ZBTB20: variants seen among roughly 807,000 people sequenced by gnomAD.
ZBTB20 encodes the protein zinc finger and BTB domain-containing protein 20.
Under a neutral mutation model 56.9 loss-of-function variants are expected in ZBTB20, and 9 were observed. That is an observed-to-expected ratio of 0.16 (90% CI 0.10 to 0.28). The LOEUF (loss-of-function observed/expected upper bound fraction) is 0.28, where lower values mean the gene tolerates loss of function less well. Among genes scored for constraint, ZBTB20 ranks in the 10% least tolerant of loss-of-function variants. The pLI is 1.00. For synonymous variants in ZBTB20, 417 were observed against 420.7 expected (o/e 0.99, Z 0.11); for missense variants, 655 against 1,003.0 (o/e 0.65, Z 4.69).
At chr3:114,875,334 T>C (rs1316562868) in intron 4 of ZBTB20, among the ~76,000 whole-genome samples, 2 of 152,202 alleles carry the variant, frequency 1.3e-5, no homozygotes, top group African/African-American at 2.4e-5. Context: ...CAGTGCAGCA[T>C]ATTTTGCACC....
rs2079128692 is a variant in ZBTB20 at position 114,328,420 on chromosome 3, T to A, written c.*10585A>T. ...TCTGATAAACAAGTAATTTGACTAGTGGAAACAGTCAACATTAATGATTCT... is the reference window on the plus strand; with the variant it reads ...TCTGATAAACAAGTAATTTGACTAGAGGAAACAGTCAACATTAATGATTCT... On this transcript the variant is annotated 3_prime_UTR_variant, in exon 12 of 12. Coordinates refer to ENST00000675478, the MANE Select transcript of ZBTB20 (RefSeq NM_001348800.3). 1 of 152,084 alleles carries A rather than the reference T, an allele frequency of 6.6e-6. No individual in the cohort carries two copies. Among genetic ancestry groups the A allele is most frequent in the South Asian group, 2.1e-4 (1 of 4,822 alleles). 9.4% of individuals were successfully genotyped at this position (152,084 alleles called of 1,614,324 possible).
chr3:114,693,890 C>T (rs1487320553), intron 5 of ZBTB20, among the ~76,000 whole-genome samples: 1 of 151,998 alleles, frequency 6.6e-6, no homozygotes, highest in African/African-American at 2.4e-5. Flanking sequence ...GTTAATTATC[C>T]ATGGTCTGTT....
rs66520481 is a variant in ZBTB20 at position 114,477,929 on chromosome 3, G to GTC, written c.-255+22421_-255+22422dup. 1.7e-3 allele frequency among the ~76,000 whole-genome samples: 212 copies of GTC among 121,808 alleles called. 2 individuals carry two copies. The highest frequency in any genetic ancestry group is 4.0e-3 in the Admixed American group (43 of 10,686). 79.9% of individuals were successfully genotyped at this position (121,808 alleles called of 152,430 possible). A position where few individuals can be genotyped will look rare whatever the true frequency, so the allele number is the denominator to read the frequency against. Reference sequence around the variant, plus strand: ...TCTTTCCTTCTTTCTTTCTTTCTCTGTCTCTCTCTCTCTCTCTCTCCCTCC... The same window carrying GTC: ...TCTTTCCTTCTTTCTTTCTTTCTCTGTCTCTCTCTCTCTCTCTCTCTCCCTCC... On this transcript the variant is annotated intron_variant, in intron 7 of 11. Transcript: ENST00000675478.
At chr3:114,487,773 T>C (rs781638152) in intron 7 of ZBTB20, among the ~76,000 whole-genome samples, 2 of 152,216 alleles carry the variant, frequency 1.3e-5, no homozygotes, top group African/African-American at 2.4e-5. Flanking sequence ...TCACTTTCCC[T>C]GAAGTTGCTG....
intron 6 of ZBTB20, among the ~76,000 whole-genome samples, chr3:114,599,757 GA>G (rs1560017453): frequency 6.6e-6 from 1 of 151,830 alleles, no homozygotes; most frequent in Admixed American, 6.6e-5. Flanking sequence ...TAGAAATGTT[GA>G]AAAACTTGCC....
intron 5 of ZBTB20, among the ~76,000 whole-genome samples, chr3:114,783,151 A>G (rs1261691403): frequency 6.6e-6 from 1 of 152,212 alleles, no homozygotes; most frequent in Admixed American, 6.5e-5. Context: ...CAATTAAATT[A>G]ATAATTATAA....
intron 6 of ZBTB20, among the ~76,000 whole-genome samples, chr3:114,583,792 G>A (rs1312166104): frequency 6.6e-6 from 1 of 152,136 alleles, no homozygotes; most frequent in African/African-American, 2.4e-5. Context: ...AATAGCAAAT[G>A]TTCTATTAGA....
At position 114,351,161 on chromosome 3, in the gene ZBTB20, G is replaced by C. The variant is rs1268366856; in HGVS notation, c.917C>G (p.Pro306Arg). The C allele has an allele frequency of 1.9e-6, 3 of 1,603,368 alleles. No individual in the cohort carries two copies. The highest frequency in any genetic ancestry group is 2.5e-6 in the Non-Finnish European group (3 of 1,179,814). ...CTGCTTGCGGCAGTGCGTGGTCTCG[G>C]GGGTGGTGGACAGGTAGCGCTCCAT... ...QQMERYLSTTPETTHCRKQPR... is the reference protein window; with the variant it reads ...QQMERYLSTTRETTHCRKQPR... The change falls in exon 11 of 12, where the codon CCC becomes CGC. Residue 306 changes from proline (P) to arginine (R), a missense_variant. By Grantham distance (103) the Pro-to-Arg change is moderately radical. Transcript: ENST00000675478.
At chr3:114,867,322 G>A (rs774339767) in intron 4 of ZBTB20, among the ~76,000 whole-genome samples, 33 of 152,154 alleles carry the variant, frequency 2.2e-4, no homozygotes, top group Admixed American at 3.9e-4. Flanking sequence ...GGGAATCTTG[G>A]TTCCTTACCA....
intron 3 of ZBTB20, among the ~76,000 whole-genome samples, chr3:114,933,166 A>G (rs537070962): frequency 6.6e-6 from 1 of 152,352 alleles, no homozygotes; most frequent in African/African-American, 2.4e-5. Context: ...CCAAGCTATT[A>G]CTAATCTAAG....
intron 6 of ZBTB20, chr3:114,529,336 G>C (rs1167685390): frequency 1.3e-5 from 2 of 152,120 alleles, no homozygotes; most frequent in African/African-American, 4.8e-5. Flanking sequence ...CTGTCAACCT[G>C]GGTCCCTGAC....
At chr3:114,825,784 G>A (rs2073493053) in intron 4 of ZBTB20, among the ~76,000 whole-genome samples, 1 of 151,792 alleles carries the variant, frequency 6.6e-6, no homozygotes, top group Non-Finnish European at 1.5e-5. Flanking sequence ...TTTCTCCAGA[G>A]TCAATTATTT....
rs1180749348 is a variant in ZBTB20 at position 114,939,096 on chromosome 3, G to C, written c.-456+35270C>G. 2.1e-5 allele frequency among the ~76,000 whole-genome samples: 3 copies of C among 145,696 alleles called. 1 individual carries two copies. Among genetic ancestry groups the C allele is most frequent in the African/African-American group, 5.6e-5 (2 of 35,452 alleles). On this transcript the variant is annotated intron_variant, in intron 3 of 11. Transcript: ENST00000675478. ...GGTGGATCCACAGGTATAGCAGCTG[G>C]AGGCTGTCAATTATCTATGCTCTCT...
intron 6 of ZBTB20, among the ~76,000 whole-genome samples, chr3:114,664,229 G>A (rs1031051328): frequency 1.3e-5 from 2 of 152,018 alleles, no homozygotes; most frequent in Non-Finnish European, 2.9e-5. Flanking sequence ...GTTTGTGGTT[G>A]CCCTGGTAAG....
chr3:115,057,292 A>T (rs2081838856), intron 2 of ZBTB20, among the ~76,000 whole-genome samples: 1 of 151,350 alleles, frequency 6.6e-6, no homozygotes, highest in Non-Finnish European at 1.5e-5. Context: ...CCTTTTTTTG[A>T]AATAGTTGAG....
At chr3:114,617,448 G>T (rs780680377) in intron 6 of ZBTB20, among the ~76,000 whole-genome samples, 3 of 152,144 alleles carry the variant, frequency 2.0e-5, no homozygotes, top group Non-Finnish European at 4.4e-5. Context: ...CCCACTCCAA[G>T]ATATGTTCAG....
intron 6 of ZBTB20, among the ~76,000 whole-genome samples, chr3:114,561,275 T>C (rs2052012760): frequency 6.6e-6 from 1 of 152,240 alleles, no homozygotes; most frequent in Admixed American, 6.5e-5. Flanking sequence ...TTAATATTTA[T>C]ATTTTGACCT....
intron 5 of ZBTB20, among the ~76,000 whole-genome samples, chr3:114,761,833 CA>C (rs369501604): frequency 2.4e-5 from 3 of 124,088 alleles, no homozygotes; most frequent in Admixed American, 1.7e-4. Flanking sequence ...GACTCCATCT[CA>C]AAAAAAAAGA....
chr3:115,017,450 T>C (rs1207610212), intron 2 of ZBTB20, among the ~76,000 whole-genome samples: 2 of 151,666 alleles, frequency 1.3e-5, no homozygotes, highest in East Asian at 3.9e-4. Flanking sequence ...AAAATGACCA[T>C]AGTGCCCAAA....
Sources: gnomAD v4.1 joint callset for allele counts (sites outside exome capture counted in the v4.1 genomes callset) on GRCh38, gnomAD v4.1.1 for gene constraint, MANE v1.5 for transcripts, NCBI Gene and HGNC (gene_info 2026-07-23, HGNC 2026-07-21) for gene names.